The following TOPBP1 variants were observed in gnomAD, a reference collection of about 807,000 sequenced individuals.
The protein encoded by TOPBP1 is DNA topoisomerase II binding protein 1.
A neutral mutation model predicts 167.7 loss-of-function variants in TOPBP1; 28 were observed. The ratio of observed to expected loss-of-function variants is 0.17; its 90% CI spans 0.12 to 0.23. TOPBP1 has a LOEUF of 0.23. Ranked by LOEUF, TOPBP1 falls within the 10% of genes least tolerant of loss-of-function variation. The pLI is 1.00. For missense variants in TOPBP1, 1,554 were observed against 1,809.6 expected, an observed-to-expected ratio of 0.86 and a Z score of 2.56; for synonymous variants, 598 against 611.4, an observed-to-expected ratio of 0.98 and a Z score of 0.32.
intron 2 of TOPBP1, among the ~76,000 whole-genome samples, chr3:133,660,690 T>A (rs1270351910): frequency 6.6e-6 from 1 of 152,176 alleles, no homozygotes; most frequent in Non-Finnish European, 1.5e-5. Context: ...ACATAATTTT[T>A]AACAATTAAC....
At chr3:133,643,684 C>A (rs991263288) in intron 11 of TOPBP1, among the ~76,000 whole-genome samples, 6 of 150,380 alleles carry the variant, frequency 4.0e-5, no homozygotes, top group African/African-American at 1.5e-4. Context: ...TCTCATAATT[C>A]TTGGAATGTT....
chr3:133,654,199 T>C (rs1404951855), intron 6 of TOPBP1, among the ~76,000 whole-genome samples: 2 of 152,222 alleles, frequency 1.3e-5, no homozygotes, highest in African/African-American at 4.8e-5. Flanking sequence ...TAAACCAGCT[T>C]GTACAATGTG....
At chr3:133,661,190 C>A (rs1423952221) in intron 1 of TOPBP1, 56 bp from the exon 2 acceptor site, 1 of 1,306,266 alleles carries the variant, frequency 7.7e-7, no homozygotes, top group South Asian at 1.5e-5. Flanking sequence ...TAAAAAGTTG[C>A]ATGTTTAACC....
At chr3:133,659,472 T>C (rs949995206) in intron 2 of TOPBP1, among the ~76,000 whole-genome samples, 3 of 152,220 alleles carry the variant, frequency 2.0e-5, no homozygotes, top group Admixed American at 6.5e-5. Flanking sequence ...TCTGGTTTCC[T>C]GCCTATCTTT....
intron 7 of TOPBP1, 142 bp downstream of exon 7, chr3:133,653,201 ATT>A: frequency 1.3e-6 from 1 of 759,000 alleles, no homozygotes; most frequent in Non-Finnish European, 1.9e-6. Flanking sequence ...TTTTTATACA[ATT>A]TGACTATTAT....
chr3:133,626,995 GGT>G (rs1172218133), intron 16 of TOPBP1, among the ~76,000 whole-genome samples: 1 of 152,072 alleles, frequency 6.6e-6, no homozygotes, highest in African/African-American at 2.4e-5. Flanking sequence ...GGGACAGTCT[GGT>G]CCTAGATGAT....
At chr3:133,648,735 T>C (rs765345748) in intron 10 of TOPBP1, among the ~76,000 whole-genome samples, 3 of 152,076 alleles carry the variant, frequency 2.0e-5, no homozygotes, top group Non-Finnish European at 4.4e-5. Flanking sequence ...GAGGCAGAGG[T>C]TGCAGTGAGC....
chr3:133,643,965 T>C, intron 11 of TOPBP1, 55 bp downstream of exon 11: 1 of 1,472,458 alleles, frequency 6.8e-7, no homozygotes, highest in Non-Finnish European at 9.2e-7. Flanking sequence ...ACATTAACCT[T>C]CTTGGCATTC....
chr3:133,653,475 T>C lies in TOPBP1; in HGVS notation c.792A>G (p.Thr264=). The change falls in exon 7 of 28, where the codon ACA becomes ACG. Residue 264 remains threonine, a synonymous_variant. Transcript: ENST00000260810. ...TCTCAATACTGTCAAAAAACCACTG[T>C]GTGGTCACACAGTGTACATTCCATC... ...AKRWNVHCVT[T]QWFFDSIEKG... 6.2e-7 allele frequency: 1 copy of C among 1,612,798 alleles called. No homozygotes were observed. The highest frequency in any genetic ancestry group is 2.2e-5 in the East Asian group (1 of 44,802).
At chr3:133,611,904 CTG>C (rs1411622275) in intron 24 of TOPBP1, among the ~76,000 whole-genome samples, 8 of 152,024 alleles carry the variant, frequency 5.3e-5, no homozygotes, top group Non-Finnish European at 1.0e-4. Context: ...GCCCAGCTAA[CTG>C]TTTTTATTTT....
Position 133,628,740 on chromosome 3 carries a change from A to G in TOPBP1, c.2521-7T>C, listed in dbSNP as rs1935358827. On this transcript the variant is annotated splice_polypyrimidine_tract_variant and splice_region_variant and intron_variant, in intron 14 of 27. Coordinates refer to ENST00000260810, the MANE Select transcript of TOPBP1 (RefSeq NM_007027.4). ...CCAAGGCTGCAAGTGCATCCTATAC[A>G]TATGAAGGAGAGAGAGAGATGGAGA... 6.4e-7 allele frequency: 1 copy of G among 1,551,162 alleles called. No individual in the cohort carries two copies. The highest frequency in any genetic ancestry group is 2.4e-5 in the East Asian group (1 of 40,920).
chr3:133,659,910 C>T (rs182875194), intron 2 of TOPBP1, among the ~76,000 whole-genome samples: 84 of 152,214 alleles, frequency 5.5e-4, no homozygotes, highest in Admixed American at 1.5e-3. Flanking sequence ...CCCTTTAAAA[C>T]TGTAAGTCAG....
At chr3:133,635,821 C>A (rs79087968) in intron 14 of TOPBP1, among the ~76,000 whole-genome samples, 4 of 152,122 alleles carry the variant, frequency 2.6e-5, no homozygotes, top group African/African-American at 9.6e-5. Flanking sequence ...CCAAGAGACA[C>A]GCACAAGAAT....
At chr3:133,653,601 A>C in intron 6 of TOPBP1, 77 bp from the exon 7 acceptor site, 1 of 1,240,718 alleles carries the variant, frequency 8.1e-7, no homozygotes, top group Non-Finnish European at 1.1e-6. Flanking sequence ...CTATCTTTGC[A>C]GAAATATTCA....
intron 10 of TOPBP1, among the ~76,000 whole-genome samples, chr3:133,647,970 G>T (rs937874077): frequency 1.2e-4 from 19 of 152,248 alleles, no homozygotes; most frequent in Middle Eastern, 3.4e-3. Context: ...AACATTTCTT[G>T]ACCTAACAAA....
At chr3:133,628,256 A>T in intron 16 of TOPBP1, 106 bp downstream of exon 16, 3 of 1,019,544 alleles carry the variant, frequency 2.9e-6, no homozygotes, top group Non-Finnish European at 2.9e-6. Context: ...GTAGATAAAG[A>T]TGCATGAAAC....
Position 133,601,122 on chromosome 3 carries a change from T to C in TOPBP1, c.*128A>G. 1.4e-6 allele frequency: 1 copy of C among 737,614 alleles called. No homozygotes were observed. The highest frequency in any genetic ancestry group is 2.2e-6 in the Non-Finnish European group (1 of 463,552). The allele number at this position is 737,614 out of a possible 1,614,324, so 45.7% of individuals were successfully genotyped here. On this transcript the variant is annotated 3_prime_UTR_variant, in exon 28 of 28. Coordinates refer to ENST00000260810, the MANE Select transcript of TOPBP1 (RefSeq NM_007027.4). ...GGTGTTCAAAACTCAAGAAGGGTCA[T>C]CATTATACTCTGAAGCAGAATTCTT...
intron 23 of TOPBP1, among the ~76,000 whole-genome samples, chr3:133,616,101 AC>A (rs1374321331): frequency 1.3e-5 from 2 of 150,524 alleles, no homozygotes; most frequent in Non-Finnish European, 3.0e-5. Context: ...GCTCTCTTCC[AC>A]ACTGAATTCT....
chr3:133,615,093 C>T (rs1476682090), intron 23 of TOPBP1, among the ~76,000 whole-genome samples: 5 of 147,248 alleles, frequency 3.4e-5, no homozygotes, highest in African/African-American at 1.0e-4. Flanking sequence ...TTTTTTAAAG[C>T]ATATCATAGT....
Sources: gnomAD v4.1 joint callset for allele counts (sites outside exome capture counted in the v4.1 genomes callset) on GRCh38, gnomAD v4.1.1 for gene constraint, MANE v1.5 for transcripts, NCBI Gene and HGNC (gene_info 2026-07-23, HGNC 2026-07-21) for gene names.